The following STK32B variants were observed in gnomAD, a reference collection of about 807,000 sequenced individuals.
STK32B encodes the protein serine/threonine-protein kinase 32B.
In STK32B, 43 loss-of-function variants were observed where a neutral mutation model predicts 52.6. The ratio of observed to expected loss-of-function variants is 0.82; its 90% CI spans 0.64 to 1.05. The LOEUF (loss-of-function observed/expected upper bound fraction) is 1.05, where lower values mean the gene tolerates loss of function less well. STK32B is among the 50% of genes least tolerant of loss of function. The pLI is 0.00. For synonymous variants in STK32B, 238 were observed against 204.3 expected, an observed-to-expected ratio of 1.17 and a Z score of -1.41; for missense variants, 621 against 534.6, an observed-to-expected ratio of 1.16 and a Z score of -1.59.
At chr4:5,324,613 C>T (rs1276973309) in intron 3 of STK32B, among the ~76,000 whole-genome samples, 1 of 152,088 alleles carries the variant, frequency 6.6e-6, no homozygotes, top group African/African-American at 2.4e-5. Context: ...ATCTCTGGCT[C>T]CAACTCACTA....
intron 1 of STK32B, among the ~76,000 whole-genome samples, chr4:5,078,771 T>C (rs1229481589): frequency 6.6e-6 from 1 of 152,126 alleles, no homozygotes; most frequent in East Asian, 1.9e-4. Context: ...CTGCCCACCT[T>C]TCCCAGAAGA....
At chr4:5,444,423 G>A (rs943151791) in intron 6 of STK32B, among the ~76,000 whole-genome samples, 6 of 152,160 alleles carry the variant, frequency 3.9e-5, no homozygotes, top group East Asian at 1.9e-4. Context: ...GACCCCTTGC[G>A]CTTCCCAAGT....
At chr4:5,359,210 A>G (rs973833059) in intron 4 of STK32B, among the ~76,000 whole-genome samples, 3 of 152,096 alleles carry the variant, frequency 2.0e-5, no homozygotes, top group Admixed American at 6.5e-5. Flanking sequence ...ATTTTTCCAT[A>G]TTTATAGGTT....
intron 5 of STK32B, among the ~76,000 whole-genome samples, chr4:5,413,538 G>A (rs1290634980): frequency 2.0e-5 from 3 of 152,136 alleles, no homozygotes; most frequent in Non-Finnish European, 2.9e-5. Context: ...ATATCATTTT[G>A]GGTAGCTCCT....
intron 3 of STK32B, among the ~76,000 whole-genome samples, chr4:5,197,287 C>G (rs1721756616): frequency 6.6e-6 from 1 of 152,182 alleles, no homozygotes; most frequent in Non-Finnish European, 1.5e-5. Flanking sequence ...TCACTCATGT[C>G]TGGGTGACTC....
At chr4:5,384,200 G>A (rs142248741) in intron 4 of STK32B, among the ~76,000 whole-genome samples, 1 of 152,314 alleles carries the variant, frequency 6.6e-6, no homozygotes, top group Admixed American at 6.5e-5. Context: ...GAGTACCTGG[G>A]TTTTACTCTA....
intron 3 of STK32B, among the ~76,000 whole-genome samples, chr4:5,316,211 TTACATAATATATTA>T (rs1338022546): frequency 1.1e-4 from 9 of 79,706 alleles, no homozygotes; most frequent in African/African-American, 8.0e-4. Flanking sequence ...ATAATATATA[TTACATAATATATTA>T]TATATACAAT....
At chr4:5,173,385 A>C (rs1417551513) in intron 3 of STK32B, among the ~76,000 whole-genome samples, 1 of 151,532 alleles carries the variant, frequency 6.6e-6, no homozygotes, top group African/African-American at 2.4e-5. Flanking sequence ...AGTTCTTTTA[A>C]TTGTGATGTT....
chr4:5,333,825 A>G (rs1339074341), intron 4 of STK32B, among the ~76,000 whole-genome samples: 17 of 152,148 alleles, frequency 1.1e-4, no homozygotes, highest in Admixed American at 1.1e-3. Context: ...GTTGTGTTCC[A>G]TTGATGTATA....
chr4:5,441,554 G>C (rs1213749315), intron 6 of STK32B, among the ~76,000 whole-genome samples: 1 of 151,578 alleles, frequency 6.6e-6, no homozygotes. Context: ...CAAAAAACCA[G>C]CTCCTGGATT....
intron 3 of STK32B, among the ~76,000 whole-genome samples, chr4:5,241,881 C>A (rs1163293107): frequency 6.6e-6 from 1 of 152,190 alleles, no homozygotes; most frequent in Non-Finnish European, 1.5e-5. Flanking sequence ...CCAGCTTCAT[C>A]CATGTCCCTA....
At chr4:5,197,232 G>A (rs528700746) in intron 3 of STK32B, among the ~76,000 whole-genome samples, 1 of 152,210 alleles carries the variant, frequency 6.6e-6, no homozygotes, top group Non-Finnish European at 1.5e-5. Flanking sequence ...AGTGTTCAGG[G>A]TGGGGTTTGA....
intron 3 of STK32B, among the ~76,000 whole-genome samples, chr4:5,176,513 G>A (rs908480085): frequency 2.1e-5 from 3 of 145,460 alleles, no homozygotes; most frequent in Non-Finnish European, 4.4e-5. Flanking sequence ...GTGCAATCTC[G>A]GCTCATTGCA....
At chr4:5,492,280 G>A (rs1719800694) in intron 11 of STK32B, among the ~76,000 whole-genome samples, 1 of 152,072 alleles carries the variant, frequency 6.6e-6, no homozygotes, top group Non-Finnish European at 1.5e-5. Context: ...AGTTCTCCTT[G>A]AAGAGGTCCT....
intron 4 of STK32B, among the ~76,000 whole-genome samples, chr4:5,346,640 C>T (rs1733476065): frequency 6.6e-6 from 1 of 152,184 alleles, no homozygotes; most frequent in African/African-American, 2.4e-5. Context: ...TGTTCTAGCT[C>T]AGAGACCGTG....
chr4:5,080,763 G>A (rs556432387), intron 1 of STK32B, among the ~76,000 whole-genome samples: 18 of 151,620 alleles, frequency 1.2e-4, no homozygotes, highest in African/African-American at 2.4e-4. Context: ...CATATATATC[G>A]CCTTACATAG....
rs144436397 is a variant in STK32B, at chr4:5,419,737, T to C, written c.562+2803T>C. Among the ~76,000 whole-genome samples the C allele has an allele frequency of 5.5e-3, 836 of 152,360 alleles. 5 individuals are homozygous for C. Among genetic ancestry groups the C allele is most frequent in the African/African-American group, 0.019 (783 of 41,580 alleles). On this transcript the variant is annotated intron_variant, in intron 6 of 11. Coordinates refer to ENST00000282908, the MANE Select transcript of STK32B (RefSeq NM_018401.3). The stretch of plus-strand genomic sequence containing the variant: ...GGGTTGTAAGGAGAACTTATTTTTG[T>C]AGCAAATGCATCCATGAGTTTTTGG...
chr4:5,374,739 C>G (rs959206816), intron 4 of STK32B, among the ~76,000 whole-genome samples: 2 of 147,828 alleles, frequency 1.4e-5, no homozygotes, highest in African/African-American at 2.6e-5. Context: ...TATACTATTG[C>G]ATTGAGGCTC....
At chr4:5,485,594 G>A (rs1719102792) in intron 11 of STK32B, among the ~76,000 whole-genome samples, 1 of 152,182 alleles carries the variant, frequency 6.6e-6, no homozygotes, top group African/African-American at 2.4e-5. Flanking sequence ...ACTTGTCAAA[G>A]TCATTCTCCC....
Sources: gnomAD v4.1 joint callset for allele counts (sites outside exome capture counted in the v4.1 genomes callset) on GRCh38, gnomAD v4.1.1 for gene constraint, MANE v1.5 for transcripts, NCBI Gene and HGNC (gene_info 2026-07-23, HGNC 2026-07-21) for gene names.